SGK3: variants seen among roughly 807,000 people sequenced by gnomAD.
SGK3 encodes serine/threonine-protein kinase Sgk3.
SGK3 carries 47 observed loss-of-function variants against 68.5 expected under a neutral mutation model. The ratio of observed to expected loss-of-function variants is 0.69; its 90% confidence interval spans 0.54 to 0.87. SGK3 has a LOEUF of 0.87. Among genes scored for constraint, SGK3 ranks in the 40% least tolerant of loss-of-function variants. SGK3 has a pLI of 0.00. For missense variants in SGK3, 479 were observed against 575.5 expected (o/e 0.83, Z 1.72); for synonymous variants, 181 against 189.1 (o/e 0.96, Z 0.35).
chr8:66,814,038 T>A, intron 5 of SGK3, 110 bp downstream of exon 5: 1 of 801,462 alleles, frequency 1.2e-6, no homozygotes, highest in Non-Finnish European at 1.7e-6. Flanking sequence ...GTGCTATATA[T>A]GTTTGTAAAA....
rs188122951 is a variant in SGK3, at chr8:66,845,137, G to A, written c.1074+1590G>A. ...ATTTTGGCCAGCCACAGTGGCTCAC[G>A]CCTGTAATCCCAGCACTTTGGGAGG... On this transcript the variant is annotated intron_variant, in intron 14 of 16. Coordinates refer to ENST00000521198, the MANE Select transcript of SGK3 (RefSeq NM_001033578.3). Among the ~76,000 whole-genome samples the A allele has an allele frequency of 7.7e-4, 117 of 152,216 alleles. 1 individual carries two copies. The highest frequency in any genetic ancestry group is 2.7e-3 in the African/African-American group (112 of 41,526).
At chr8:66,719,539 G>A (rs1012808994) in intron 1 of SGK3, among the ~76,000 whole-genome samples, 4 of 152,010 alleles carry the variant, frequency 2.6e-5, no homozygotes, top group Admixed American at 6.5e-5. Context: ...GACTGGTCTC[G>A]AACCCCTGGA....
intron 16 of SGK3, among the ~76,000 whole-genome samples, chr8:66,856,670 A>C (rs908073236): frequency 5.3e-5 from 8 of 152,200 alleles, no homozygotes; most frequent in African/African-American, 1.9e-4. Context: ...AAGTCAGAGA[A>C]CATTGCCATC....
intron 5 of SGK3, among the ~76,000 whole-genome samples, chr8:66,815,335 A>C (rs745915375): frequency 1.3e-5 from 2 of 152,250 alleles, no homozygotes; most frequent in African/African-American, 4.8e-5. Flanking sequence ...TCACACCAGC[A>C]TTAGACAGTG....
chr8:66,827,198 A>G (rs1471300615), intron 6 of SGK3, among the ~76,000 whole-genome samples: 1 of 151,502 alleles, frequency 6.6e-6, no homozygotes, highest in Non-Finnish European at 1.5e-5. Context: ...CCTGGTCAAC[A>G]TGGCGAAACC....
intron 1 of SGK3, 127 bp downstream of exon 1, chr8:66,712,960 A>C (rs1804532501): frequency 6.6e-6 from 1 of 151,908 alleles, no homozygotes; most frequent in African/African-American, 2.4e-5. Flanking sequence ...AAAAAGCCGT[A>C]CCTCCGCCCA....
At chr8:66,770,932 T>G (rs1806490110) in intron 1 of SGK3, among the ~76,000 whole-genome samples, 1 of 152,228 alleles carries the variant, frequency 6.6e-6, no homozygotes, top group Non-Finnish European at 1.5e-5. Flanking sequence ...GTGTAAGGTA[T>G]CTGAAAGTAG....
At chr8:66,837,264 AT>A (rs1290928177) in intron 10 of SGK3, among the ~76,000 whole-genome samples, 1 of 152,164 alleles carries the variant, frequency 6.6e-6, no homozygotes, top group Non-Finnish European at 1.5e-5. Context: ...TGTCTAAAAA[AT>A]TTTTTTAACT....
At chr8:66,743,832 T>G (rs563943036) in intron 1 of SGK3, among the ~76,000 whole-genome samples, 1 of 152,352 alleles carries the variant, frequency 6.6e-6, no homozygotes, top group South Asian at 2.1e-4. Context: ...TTTGTACTTG[T>G]CTCTAATTCT....
intron 1 of SGK3, among the ~76,000 whole-genome samples, chr8:66,755,427 C>T (rs1805947372): frequency 6.6e-6 from 1 of 152,140 alleles, no homozygotes; most frequent in South Asian, 2.1e-4. Flanking sequence ...TGCAACCTGT[C>T]GCATGATGTC....
At chr8:66,814,220 CTTCAAAAA>C (rs572594034) in intron 5 of SGK3, among the ~76,000 whole-genome samples, 125 of 151,996 alleles carry the variant, frequency 8.2e-4, no homozygotes, top group Middle Eastern at 6.8e-3. Flanking sequence ...TTATCTATAC[CTTCAAAAA>C]GCATTTAAGT....
intron 16 of SGK3, among the ~76,000 whole-genome samples, chr8:66,856,879 G>A (rs1242286220): frequency 6.6e-6 from 1 of 152,174 alleles, no homozygotes; most frequent in Non-Finnish European, 1.5e-5. Context: ...TATCACTTGA[G>A]GTCAGAAGTT....
chr8:66,809,010 C>T (rs756651420), intron 4 of SGK3, among the ~76,000 whole-genome samples: 14 of 151,780 alleles, frequency 9.2e-5, no homozygotes, highest in African/African-American at 1.5e-4. Flanking sequence ...GCTGGGATTA[C>T]AGGCGTGTGC....
chr8:66,778,327 T>G (rs1478448236), intron 1 of SGK3, among the ~76,000 whole-genome samples: 2 of 152,228 alleles, frequency 1.3e-5, no homozygotes, highest in Non-Finnish European at 2.9e-5. Context: ...GGAGTCTCGC[T>G]TTGTTGCCCA....
chr8:66,769,230 T>C (rs1806422745), intron 1 of SGK3, among the ~76,000 whole-genome samples: 2 of 152,096 alleles, frequency 1.3e-5, no homozygotes, highest in African/African-American at 2.4e-5. Context: ...TTTACCTTTC[T>C]CTTTTTTTTT....
At chr8:66,831,988 C>T (rs948782755) in intron 8 of SGK3, among the ~76,000 whole-genome samples, 2 of 151,986 alleles carry the variant, frequency 1.3e-5, no homozygotes, top group African/African-American at 4.8e-5. Flanking sequence ...CAAATAATAA[C>T]AGCAGTGCAG....
At chr8:66,714,741 C>T (rs895784115) in intron 1 of SGK3, among the ~76,000 whole-genome samples, 12 of 152,140 alleles carry the variant, frequency 7.9e-5, no homozygotes, top group Admixed American at 2.6e-4. Flanking sequence ...ACTCCTTTAC[C>T]TTTCAGAGAG....
At chr8:66,776,400 T>C (rs1806715966) in intron 1 of SGK3, among the ~76,000 whole-genome samples, 1 of 152,248 alleles carries the variant, frequency 6.6e-6, no homozygotes, top group Admixed American at 6.5e-5. Context: ...AGTTGTGCTA[T>C]TTTGGGTGGA....
intron 1 of SGK3, among the ~76,000 whole-genome samples, chr8:66,725,420 T>C (rs1373344178): frequency 1.3e-5 from 2 of 149,466 alleles, no homozygotes; most frequent in African/African-American, 4.9e-5. Flanking sequence ...AAAAAGACAG[T>C]GTTTATCTCT....
Sources: allele counts gnomAD v4.1 joint callset (sites outside exome capture counted in the v4.1 genomes callset), GRCh38; gene constraint gnomAD v4.1.1; transcripts MANE v1.5; gene names NCBI Gene and HGNC (gene_info 2026-07-23, HGNC 2026-07-21).